The following ATP6V0A4 variants were observed in gnomAD, a reference collection of about 807,000 sequenced individuals.
ATP6V0A4 encodes the protein V-type proton ATPase 116 kDa subunit a 4.
Under a neutral mutation model 107.3 loss-of-function variants are expected in ATP6V0A4, and 86 were observed. The observed-to-expected ratio is 0.80, with a 90% CI of 0.67 to 0.96. The LOEUF is 0.96. Among genes scored for constraint, ATP6V0A4 ranks in the 40% least tolerant of loss-of-function variants. The pLI, the probability that ATP6V0A4 is intolerant of heterozygous loss-of-function variation, is 0.00. For synonymous variants in ATP6V0A4, 353 were observed against 381.4 expected (o/e 0.93, Z 0.87); for missense variants, 908 against 1,045.6 (o/e 0.87, Z 1.81).
intron 17 of ATP6V0A4, among the ~76,000 whole-genome samples, chr7:138,729,438 T>C (rs1464601087): frequency 1.3e-5 from 2 of 152,170 alleles, no homozygotes; most frequent in African/African-American, 4.8e-5. Context: ...ATGTGGGCAA[T>C]TTACTCAACA....
At chr7:138,780,360 TG>T (rs1807862528) in intron 2 of ATP6V0A4, among the ~76,000 whole-genome samples, 2 of 152,166 alleles carry the variant, frequency 1.3e-5, no homozygotes, top group Non-Finnish European at 2.9e-5. Flanking sequence ...GAGGATCTAA[TG>T]GTGCTGCTGA....
intron 17 of ATP6V0A4, among the ~76,000 whole-genome samples, chr7:138,730,916 T>TTCTTCTTC (rs3080531): frequency 2.1e-5 from 3 of 140,968 alleles, no homozygotes; most frequent in African/African-American, 8.0e-5. Flanking sequence ...CAAGGCATTT[T>TTCTTCTTC]TTCTTCTTCT....
intron 1 of ATP6V0A4, among the ~76,000 whole-genome samples, chr7:138,787,811 A>C (rs527515212): frequency 6.6e-6 from 1 of 152,252 alleles, no homozygotes; most frequent in South Asian, 2.1e-4. Context: ...TAGCCTCGGT[A>C]ACAGAGCAAG....
chr7:138,745,270 G>A lies in ATP6V0A4; in HGVS notation c.1331C>T (p.Thr444Ile), dbSNP rs1046568501. The A allele has an allele frequency of 1.2e-6, 2 of 1,613,972 alleles. No homozygotes were observed. Among genetic ancestry groups the A allele is most frequent in the Non-Finnish European group, 1.7e-6 (2 of 1,180,006 alleles). Residue 444 changes from threonine (T) to isoleucine (I), a missense_variant, in exon 14 of 22, where the codon ACC becomes ATC. By Grantham distance (89) the Thr-to-Ile change is moderately conservative (BLOSUM62 -1). Coordinates refer to ENST00000310018, the MANE Select transcript of ATP6V0A4 (RefSeq NM_020632.3). ...GATCAGATAGCGCCCGTGGAAGAAGGTGTTCCAAATCTGGCCTCAGAGAGA... is the reference window on the plus strand; with the variant it reads ...GATCAGATAGCGCCCGTGGAAGAAGATGTTCCAAATCTGGCCTCAGAGAGA... ...SQKTDNEIWN[T>I]FFHGRYLILL... is the part of the protein sequence containing the mutation.
chr7:138,747,319 C>G, intron 13 of ATP6V0A4, 106 bp downstream of exon 13: 1 of 1,410,800 alleles, frequency 7.1e-7, no homozygotes, highest in Non-Finnish European at 9.9e-7. Flanking sequence ...TACTTTCCTT[C>G]TCTCCTTTAT....
intron 1 of ATP6V0A4, among the ~76,000 whole-genome samples, chr7:138,794,644 C>T (rs1808571912): frequency 6.6e-6 from 1 of 151,864 alleles, no homozygotes; most frequent in African/African-American, 2.4e-5. Flanking sequence ...TAACCAAATA[C>T]CTATCTCACC....
chr7:138,730,341 AGTGTGTGTGT>A (rs369725759), intron 17 of ATP6V0A4, among the ~76,000 whole-genome samples: 513 of 140,138 alleles, frequency 3.7e-3, no homozygotes, highest in African/African-American at 0.012. Flanking sequence ...CAACGGGATG[AGTGTGTGTGT>A]GTGTGTGTGT....
In ATP6V0A4 at chr7:138,728,810, AT is replaced by A; in HGVS notation, c.1960del (p.Met654CysfsTer3). The A allele has an allele frequency of 6.2e-7, 1 of 1,614,242 alleles. No homozygotes were observed. Among genetic ancestry groups the A allele is most frequent in the Non-Finnish European group, 8.5e-7 (1 of 1,180,038 alleles). ...VVMALISVPWMLLIKPFILRA... is the reference protein window; with the variant it reads ...VVMALISVPWXLLIKPFILRA... ...AAGAATAAACGGCTTAATCAGAAGC[AT>A]CCACGGCACAGAAATCAAAGCCATA... On this transcript the variant is annotated frameshift_variant, in exon 18 of 22. Transcript: ENST00000310018. LOFTEE classifies it high-confidence loss of function.
rs534132814 is a variant in ATP6V0A4 at position 138,750,972 on chromosome 7, C to T, written c.1029+1653G>A. 7.2e-5 allele frequency among the ~76,000 whole-genome samples: 11 copies of T among 152,268 alleles called. No homozygotes were observed. In the South Asian group the frequency reaches 2.3e-3, roughly 32 times the overall value. Reference sequence around the variant, plus strand: ...TTCTAACCCATTCCTACTGCAAGGCCTTTACCTTCAGATTCCTCCGCCTGA... The same window carrying T: ...TTCTAACCCATTCCTACTGCAAGGCTTTTACCTTCAGATTCCTCCGCCTGA... On this transcript the variant is annotated intron_variant, in intron 11 of 21. Transcript: ENST00000310018.
intron 18 of ATP6V0A4, among the ~76,000 whole-genome samples, chr7:138,726,939 G>T (rs1298381468): frequency 6.6e-6 from 1 of 152,050 alleles, no homozygotes; most frequent in Non-Finnish European, 1.5e-5. Flanking sequence ...TAAAGAGCTT[G>T]TGTGGTACAA....
At chr7:138,760,405 T>G (rs1344619586) in intron 7 of ATP6V0A4, among the ~76,000 whole-genome samples, 1 of 140,962 alleles carries the variant, frequency 7.1e-6, no homozygotes, top group Non-Finnish European at 1.5e-5. Context: ...AATGTGCCAT[T>G]GCACTCCAGC....
chr7:138,736,656 C>G (rs1472463724), intron 15 of ATP6V0A4, among the ~76,000 whole-genome samples: 1 of 152,068 alleles, frequency 6.6e-6, no homozygotes. Flanking sequence ...ACTACAACCT[C>G]TGCCTCCCGG....
intron 4 of ATP6V0A4, 25 bp from the exon 5 acceptor site, chr7:138,768,899 A>C (rs1489465418): frequency 6.2e-7 from 1 of 1,613,468 alleles, no homozygotes; most frequent in South Asian, 1.1e-5. Flanking sequence ...CCCACCAGAA[A>C]CCCCAAGGTG....
intron 20 of ATP6V0A4, among the ~76,000 whole-genome samples, chr7:138,711,842 G>A (rs528118219): frequency 3.3e-5 from 5 of 152,334 alleles, no homozygotes; most frequent in African/African-American, 7.2e-5. Context: ...GCGTGTACCC[G>A]CAGCACAGAC....
intron 2 of ATP6V0A4, among the ~76,000 whole-genome samples, chr7:138,779,874 T>TA (rs1213372317): frequency 6.6e-6 from 1 of 152,170 alleles, no homozygotes; most frequent in Non-Finnish European, 1.5e-5. Flanking sequence ...AGTGTGTTCA[T>TA]AAAAAATAAA....
At chr7:138,759,715 A>C (rs761285222) in intron 8 of ATP6V0A4, 37 bp downstream of exon 8, 1 of 1,609,394 alleles carries the variant, frequency 6.2e-7, no homozygotes, top group Non-Finnish European at 8.5e-7. Flanking sequence ...GGCTATGGGA[A>C]GTCTCAGAGA....
chr7:138,754,530 C>T (rs1479595421), intron 10 of ATP6V0A4, among the ~76,000 whole-genome samples: 4 of 151,760 alleles, frequency 2.6e-5, no homozygotes, highest in African/African-American at 9.7e-5. Context: ...GAAAGAGGCA[C>T]ATATCTAATT....
intron 20 of ATP6V0A4, among the ~76,000 whole-genome samples, chr7:138,711,049 C>G (rs916457958): frequency 6.6e-6 from 1 of 152,188 alleles, no homozygotes; most frequent in African/African-American, 2.4e-5. Flanking sequence ...ACACAGCCCC[C>G]TCTGGCCTGT....
intron 15 of ATP6V0A4, among the ~76,000 whole-genome samples, chr7:138,735,066 G>A (rs1805245788): frequency 6.6e-6 from 1 of 152,152 alleles, no homozygotes; most frequent in African/African-American, 2.4e-5. Context: ...GCACTGCCAG[G>A]TGGGGATCAT....
Sources: allele counts gnomAD v4.1 joint callset (sites outside exome capture counted in the v4.1 genomes callset), GRCh38; gene constraint gnomAD v4.1.1; transcripts MANE v1.5; gene names NCBI Gene and HGNC (gene_info 2026-07-23, HGNC 2026-07-21).